The following PFKFB2 variants were observed in gnomAD, a reference collection of about 807,000 sequenced individuals.
PFKFB2 encodes the protein 6-phosphofructo-2-kinase/fructose-2,6-biphosphatase 2.
Under a neutral mutation model 68.0 loss-of-function variants are expected in PFKFB2, and 53 were observed. The ratio of observed to expected loss-of-function variants is 0.78; its 90% CI spans 0.63 to 0.98. The LOEUF is 0.98. Ranked by LOEUF, PFKFB2 falls within the 50% of genes least tolerant of loss-of-function variation. PFKFB2 has a pLI of 0.00. For missense variants in PFKFB2, 451 were observed against 642.0 expected (o/e 0.70, Z 3.22); for synonymous variants, 222 against 227.6 (o/e 0.98, Z 0.22).
At position 207,063,243 on chromosome 1, in the gene PFKFB2, C is replaced by T. The variant is rs763886252; in HGVS notation, c.375+34C>T. ...TATCTGCTGCTTCTTCTTTCTGGTC[C>T]CCACCCTTGCAGCAGCCTGGCTACC... On this transcript the variant is annotated intron_variant, in intron 5 of 14. Coordinates refer to ENST00000367080, the MANE Select transcript of PFKFB2 (RefSeq NM_006212.2). This position sits in a 1 kb window ranked among gnomAD's most constrained non-coding sequence, Gnocchi z 4.1. The T allele has an allele frequency of 6.2e-7, 1 of 1,603,298 alleles. No individual in the cohort carries two copies. The highest frequency in any genetic ancestry group is 8.5e-7 in the Non-Finnish European group (1 of 1,170,174).
At chr1:207,045,450 G>C (rs1448530203) in intron 2 of PFKFB2, 12 of 152,380 alleles carry the variant, frequency 7.9e-5, no homozygotes, top group Non-Finnish European at 8.8e-5. Flanking sequence ...CTCAAGAATT[G>C]TACTTTAATG....
Position 207,077,796 on chromosome 1 carries a change from A to G in PFKFB2, c.*5425A>G. 1 of 985,804 alleles carries G rather than the reference A, an allele frequency of 1.0e-6. No individual in the cohort carries two copies. Among genetic ancestry groups the G allele is most frequent in the Non-Finnish European group, 1.2e-6 (1 of 829,892 alleles). The allele number at this position is 985,804 out of a possible 1,614,324, so 61.1% of individuals were successfully genotyped here. On this transcript the variant is annotated 3_prime_UTR_variant, in exon 15 of 15. Transcript: ENST00000367080. Reference sequence around the variant, plus strand: ...CGTGTGTGTAGAATGGGTAAATAAAATTGTTGAGTAACTTGAACCTATCAG... The same window carrying G: ...CGTGTGTGTAGAATGGGTAAATAAAGTTGTTGAGTAACTTGAACCTATCAG...
intron 4 of PFKFB2, 101 bp downstream of exon 4, chr1:207,062,817 G>A: frequency 8.3e-7 from 1 of 1,197,942 alleles, no homozygotes; most frequent in South Asian, 1.4e-5. Flanking sequence ...ATATCTTAAG[G>A]GGAAGTTAAA....
upstream of PFKFB2, among the ~76,000 whole-genome samples, chr1:207,052,695 A>G (rs116800649): frequency 6.6e-6 from 1 of 151,758 alleles, no homozygotes; most frequent in Non-Finnish European, 1.5e-5. Context: ...AAAAACTCCA[A>G]TGGGGTGTAT....
Position 207,074,770 on chromosome 1 carries a change from G to A in PFKFB2, c.*2399G>A, listed in dbSNP as rs541456579. On this transcript the variant is annotated 3_prime_UTR_variant, in exon 15 of 15. Coordinates refer to ENST00000367080, the MANE Select transcript of PFKFB2 (RefSeq NM_006212.2). ...AGAGGAAGGTTATTTTAAGAGACAGGACATGTAATTTATAACAAATGGACA... is the reference window on the plus strand; with the variant it reads ...AGAGGAAGGTTATTTTAAGAGACAGAACATGTAATTTATAACAAATGGACA... 2 of 985,412 alleles carry A rather than the reference G, an allele frequency of 2.0e-6. No homozygotes were observed. The highest frequency in any genetic ancestry group is 2.3e-4 in the East Asian group (2 of 8,816). The allele number at this position is 985,412 out of a possible 1,614,324, so 61.0% of individuals were successfully genotyped here. A position where few individuals can be genotyped will look rare whatever the true frequency, so the allele number is the denominator to read the frequency against.
In PFKFB2 at chr1:207,043,940, A is replaced by G. The variant is rs537097659; in HGVS notation, c.-18+1728A>G. On this transcript the variant is annotated intron_variant, in intron 2 of 5. Transcript: ENST00000545806. ...TACACCTCATAAATAAAATCAATGCATCTTAATGACAATGGCAAAATCACA... is the reference window on the plus strand; with the variant it reads ...TACACCTCATAAATAAAATCAATGCGTCTTAATGACAATGGCAAAATCACA... The G allele has an allele frequency of 2.6e-5, 4 of 152,764 alleles. No homozygotes were observed. In the East Asian group the frequency reaches 5.8e-4, roughly 22 times the overall value. 9.5% of individuals were successfully genotyped at this position (152,764 alleles called of 1,614,324 possible). A position where few individuals can be genotyped will look rare whatever the true frequency, so the allele number is the denominator to read the frequency against.
chr1:207,076,758 G>A lies in PFKFB2; in HGVS notation c.*4387G>A, dbSNP rs996270068. ...ACTCTAGTAGGATCTGTTTGTCACT[G>A]ACAGACTGTAGTAGTGTCTGTGTGC... On this transcript the variant is annotated 3_prime_UTR_variant, in exon 15 of 15. Coordinates refer to ENST00000367080, the MANE Select transcript of PFKFB2 (RefSeq NM_006212.2). The A allele has an allele frequency of 1.0e-6, 1 of 973,334 alleles. No individual in the cohort carries two copies. 60.3% of individuals were successfully genotyped at this position (973,334 alleles called of 1,614,324 possible). A position where few individuals can be genotyped will look rare whatever the true frequency, so the allele number is the denominator to read the frequency against.
At chr1:207,037,034 G>A (rs1682389624) in intron 1 of PFKFB2, among the ~76,000 whole-genome samples, 2 of 152,250 alleles carry the variant, frequency 1.3e-5, no homozygotes, top group South Asian at 4.1e-4. Context: ...GGAGGTTAGT[G>A]AATATGTTCA....
At chr1:207,051,119 T>G, upstream of PFKFB2, 1 of 1,422,856 alleles carries the variant, frequency 7.0e-7, no homozygotes, top group East Asian at 2.6e-5. Flanking sequence ...TCTTTTAAAG[T>G]GACAACTGAT....
upstream of PFKFB2, chr1:207,050,954 G>C: frequency 6.4e-7 from 1 of 1,567,816 alleles, no homozygotes; most frequent in Non-Finnish European, 8.7e-7. Flanking sequence ...GGTCCCGGCA[G>C]CCTGTTGGGA....
At chr1:207,065,274 ACAT>A (rs1482560565) in intron 8 of PFKFB2, 114 bp downstream of exon 8, 11 of 1,506,542 alleles carry the variant, frequency 7.3e-6, no homozygotes, top group Non-Finnish European at 9.7e-6. Context: ...TACAGTGTTA[ACAT>A]CATCCCAGAG....
rs200269450 is a variant in PFKFB2, at chr1:207,062,080, T to C, written c.211+2T>C. On this transcript the variant is annotated splice_donor_variant, in intron 3 of 14. Coordinates refer to ENST00000367080, the MANE Select transcript of PFKFB2 (RefSeq NM_006212.2). LOFTEE classifies it high-confidence loss of function. ...ACTGGATTGGAGTCCCCACCAAAGGTAAGTGTGGCTCATTCCCTAGGAAAG... is the reference window on the plus strand; with the variant it reads ...ACTGGATTGGAGTCCCCACCAAAGGCAAGTGTGGCTCATTCCCTAGGAAAG... 1.9e-5 allele frequency: 31 copies of C among 1,613,932 alleles called. No individual in the cohort carries two copies. Among genetic ancestry groups the C allele is most frequent in the South Asian group, 1.1e-5 (1 of 91,084 alleles).
chr1:207,037,924 G>A (rs1244730902), intron 1 of PFKFB2, among the ~76,000 whole-genome samples: 1 of 152,192 alleles, frequency 6.6e-6, no homozygotes, highest in African/African-American at 2.4e-5. Context: ...GATAATACAT[G>A]AAGAGTGCTG....
rs1222767887 is a variant in PFKFB2, at chr1:207,063,553, C to T, written c.450+132C>T. ...GAATCTCTTCTCTCAGAGCATTCCC[C>T]CAGTCCTTGAGTGTTTTCATTCAGG... On this transcript the variant is annotated intron_variant, in intron 6 of 14. Coordinates refer to ENST00000367080, the MANE Select transcript of PFKFB2 (RefSeq NM_006212.2). This position sits in a 1 kb window ranked among gnomAD's most constrained non-coding sequence, Gnocchi z 4.1. The T allele has an allele frequency of 5.3e-6, 4 of 759,994 alleles. No homozygotes were observed. The highest frequency in any genetic ancestry group is 9.3e-6 in the Non-Finnish European group (4 of 430,554). The allele number at this position is 759,994 out of a possible 1,614,324, so 47.1% of individuals were successfully genotyped here.
upstream of PFKFB2, chr1:207,051,073 T>C: frequency 6.8e-7 from 1 of 1,463,560 alleles, no homozygotes; most frequent in Non-Finnish European, 9.0e-7. Flanking sequence ...GACGCTTCGG[T>C]GCGGCTTCTG....
chr1:207,059,921 C>T (rs1683036226), intron 2 of PFKFB2, among the ~76,000 whole-genome samples: 1 of 152,218 alleles, frequency 6.6e-6, no homozygotes, highest in Non-Finnish European at 1.5e-5. Context: ...AGAGGGGCAG[C>T]CGCAACTTGC....
intron 8 of PFKFB2, among the ~76,000 whole-genome samples, chr1:207,066,253 A>T (rs1173105230): frequency 6.6e-6 from 1 of 152,228 alleles, no homozygotes; most frequent in Admixed American, 6.5e-5. Context: ...TTGAAGAAAG[A>T]TGGTGTACAC....
chr1:207,045,962 T>C (rs1682591718), intron 2 of PFKFB2: 2 of 152,170 alleles, frequency 1.3e-5, no homozygotes, highest in East Asian at 3.9e-4. Flanking sequence ...AAATCAACCA[T>C]GAACCATTAG....
At chr1:207,050,746 G>C (rs35127634), upstream of PFKFB2, 798 of 1,613,390 alleles carry the variant, frequency 4.9e-4, 6 homozygotes, top group African/African-American at 9.6e-3. Flanking sequence ...CCAGGCACTC[G>C]GGAGGGTATC....
Sources: gnomAD v4.1 joint callset for allele counts (sites outside exome capture counted in the v4.1 genomes callset) on GRCh38, gnomAD v4.1.1 for gene constraint, Gnocchi (gnomAD v3.1) non-coding constraint, MANE v1.5 for transcripts, NCBI Gene and HGNC (gene_info 2026-07-23, HGNC 2026-07-21) for gene names.